Variants in PALM2AKAP2 observed in about 807,000 individuals in gnomAD.
PALM2AKAP2 encodes the protein PALM2 and AKAP2 fusion.
A neutral mutation model predicts 71.5 loss-of-function variants in PALM2AKAP2; 37 were observed. The observed-to-expected ratio is 0.52, with a 90% confidence interval of 0.40 to 0.68. PALM2AKAP2 has a LOEUF of 0.68. Among genes scored for constraint, PALM2AKAP2 ranks in the 30% least tolerant of loss-of-function variants. The pLI is 0.00. For synonymous variants in PALM2AKAP2, 468 were observed against 478.8 expected (o/e 0.98, Z 0.29); for missense variants, 1,224 against 1,191.8 (o/e 1.03, Z -0.40).
chr9:110,144,215 T>C (rs990131573), intron 2 of PALM2AKAP2, among the ~76,000 whole-genome samples: 1 of 152,216 alleles, frequency 6.6e-6, no homozygotes, highest in Non-Finnish European at 1.5e-5. Context: ...GGATTGATGA[T>C]GAGAGAGCTC....
At chr9:109,696,844 A>G (rs954506265) in intron 1 of PALM2AKAP2, among the ~76,000 whole-genome samples, 3 of 151,992 alleles carry the variant, frequency 2.0e-5, no homozygotes, top group Admixed American at 2.0e-4. Context: ...TATCCAGACG[A>G]CCATTTCTTT....
chr9:109,802,393 C>A (rs535136482), intron 1 of PALM2AKAP2, among the ~76,000 whole-genome samples: 6 of 152,316 alleles, frequency 3.9e-5, no homozygotes, highest in Admixed American at 2.6e-4. Flanking sequence ...CTGGGCCCTA[C>A]AAATTATGTA....
intron 1 of PALM2AKAP2, among the ~76,000 whole-genome samples, chr9:109,659,226 A>G (rs1229910320): frequency 1.3e-5 from 2 of 152,200 alleles, no homozygotes; most frequent in Non-Finnish European, 2.9e-5. Flanking sequence ...TTTTTGAGAG[A>G]TGATTTAAAT....
rs1381149808 is a variant in PALM2AKAP2 at position 110,156,307 on chromosome 9, GTGT to G, written c.2570-7_2570-5del. ...CAAGCTTAGAAAGGGTATTTTCTTC[GTGT>G]TGTTTCAGGGAAAATAGAGAAAGTC... On this transcript the variant is annotated splice_polypyrimidine_tract_variant and intron_variant, in intron 2 of 3. Coordinates refer to ENST00000374525, the Ensembl canonical transcript of PALM2AKAP2. 1.4e-5 allele frequency: 22 copies of G among 1,557,274 alleles called. No homozygotes were observed. The highest frequency in any genetic ancestry group is 1.9e-5 in the Non-Finnish European group (22 of 1,152,154).
intron 1 of PALM2AKAP2, among the ~76,000 whole-genome samples, chr9:110,120,087 A>T (rs1354897704): frequency 6.6e-6 from 1 of 152,220 alleles, no homozygotes; most frequent in Non-Finnish European, 1.5e-5. Context: ...TATGATAAAT[A>T]TCCTTTTCAC....
At chr9:109,873,172 C>G (rs977886901) in intron 2 of PALM2AKAP2, among the ~76,000 whole-genome samples, 5 of 152,176 alleles carry the variant, frequency 3.3e-5, no homozygotes, top group Non-Finnish European at 7.4e-5. Context: ...TGTTAGAAAA[C>G]TGAATTTAGG....
intron 3 of PALM2AKAP2, among the ~76,000 whole-genome samples, chr9:109,887,072 A>C (rs1227974523): frequency 6.6e-6 from 1 of 152,186 alleles, no homozygotes; most frequent in Non-Finnish European, 1.5e-5. Context: ...GGTCTCTGGT[A>C]AATACCAGAA....
intron 1 of PALM2AKAP2, among the ~76,000 whole-genome samples, chr9:110,061,194 A>T (rs1262531667): frequency 6.6e-6 from 1 of 152,230 alleles, no homozygotes. Context: ...AAATATGCTA[A>T]CAAGAATCAT....
intron 1 of PALM2AKAP2, among the ~76,000 whole-genome samples, chr9:109,812,850 C>T (rs1440798333): frequency 6.6e-6 from 1 of 152,162 alleles, no homozygotes; most frequent in Non-Finnish European, 1.5e-5. Context: ...GTTTGAGTCA[C>T]CTCATCCTTG....
intron 6 of PALM2AKAP2, among the ~76,000 whole-genome samples, chr9:109,995,772 C>T (rs1179815744): frequency 6.6e-6 from 1 of 152,182 alleles, no homozygotes; most frequent in Non-Finnish European, 1.5e-5. Flanking sequence ...GGGGACACTG[C>T]CAAACCATAT....
intron 1 of PALM2AKAP2, among the ~76,000 whole-genome samples, chr9:109,840,242 C>A (rs866432250): frequency 1.3e-5 from 2 of 152,084 alleles, no homozygotes; most frequent in Non-Finnish European, 2.9e-5. Flanking sequence ...CTTTGACAAA[C>A]CTGACAAAAA....
intron 1 of PALM2AKAP2, among the ~76,000 whole-genome samples, chr9:110,069,605 C>T (rs1022596006): frequency 2.0e-5 from 3 of 152,150 alleles, no homozygotes; most frequent in African/African-American, 7.2e-5. Flanking sequence ...GGGCCTCTGT[C>T]AGCTCTGAGA....
intron 1 of PALM2AKAP2, among the ~76,000 whole-genome samples, chr9:110,063,788 C>T (rs761960817): frequency 1.3e-5 from 2 of 152,174 alleles, no homozygotes; most frequent in Non-Finnish European, 1.5e-5. Context: ...TAGACTCATC[C>T]ACTCTAAAGA....
At chr9:110,093,333 C>T (rs183992739) in intron 1 of PALM2AKAP2, among the ~76,000 whole-genome samples, 7 of 152,064 alleles carry the variant, frequency 4.6e-5, no homozygotes, top group East Asian at 1.9e-4. Flanking sequence ...TGAGTGACTG[C>T]GGGACTCGGC....
intron 6 of PALM2AKAP2, 44 bp from the exon 7 acceptor site, chr9:110,015,910 G>GTCAA: frequency 6.5e-7 from 1 of 1,533,200 alleles, no homozygotes; most frequent in Non-Finnish European, 9.0e-7. Flanking sequence ...ATCCATGTCA[G>GTCAA]CTGAATGACT....
chr9:109,925,970 A>T (rs1830947901), intron 5 of PALM2AKAP2, among the ~76,000 whole-genome samples: 2 of 152,134 alleles, frequency 1.3e-5, no homozygotes, highest in South Asian at 4.1e-4. Context: ...ACTTTGGAAG[A>T]CTGATGTGGG....
chr9:109,793,786 G>T (rs12380786), intron 1 of PALM2AKAP2, among the ~76,000 whole-genome samples: 28,233 of 152,152 alleles, frequency 0.19, 2,947 homozygotes, highest in East Asian at 0.34. Context: ...TTCAAAAAAG[G>T]ATCTTTTATG....
chr9:109,873,791 A>G (rs551001790), intron 2 of PALM2AKAP2, among the ~76,000 whole-genome samples: 4 of 152,184 alleles, frequency 2.6e-5, no homozygotes, highest in East Asian at 3.9e-4. Context: ...TACTTCCCCA[A>G]TCTGCCCCAC....
chr9:110,055,734 T>G (rs1170433179), intron 1 of PALM2AKAP2, among the ~76,000 whole-genome samples: 1 of 152,184 alleles, frequency 6.6e-6, no homozygotes, highest in Non-Finnish European at 1.5e-5. Flanking sequence ...TTTCCAGGGT[T>G]GTCAGAAAGG....
Sources: gnomAD v4.1 joint callset for allele counts (sites outside exome capture counted in the v4.1 genomes callset) on GRCh38, gnomAD v4.1.1 for gene constraint, MANE v1.5 for transcripts, NCBI Gene and HGNC (gene_info 2026-07-23, HGNC 2026-07-21) for gene names.